The following SMAD5 variants were observed in gnomAD, a reference collection of about 807,000 sequenced individuals.
SMAD5 encodes MAD, mothers against decapentaplegic homolog 5.
Under a neutral mutation model 43.1 loss-of-function variants are expected in SMAD5, and 9 were observed. That is an observed-to-expected ratio of 0.21 (90% CI 0.13 to 0.36). The LOEUF (loss-of-function observed/expected upper bound fraction) is 0.36. Ranked by LOEUF, SMAD5 falls within the 10% of genes least tolerant of loss-of-function variation. The pLI is 1.00. For synonymous variants in SMAD5, 190 were observed against 192.4 expected, an observed-to-expected ratio of 0.99 and a Z score of 0.10; for missense variants, 348 against 574.0, an observed-to-expected ratio of 0.61 and a Z score of 4.02.
rs1487302300 is a variant in SMAD5, at chr5:136,181,772, G to A, written c.*4292G>A. On this transcript the variant is annotated 3_prime_UTR_variant, in exon 8 of 8. Coordinates refer to ENST00000545279, the MANE Select transcript of SMAD5 (RefSeq NM_005903.7). The stretch of plus-strand genomic sequence containing the variant: ...TATTTATCAAGCCTTTGTTATATTG[G>A]ATTATCTTCTCTCTTAAAATACAAC... The A allele has an allele frequency of 1.3e-5, 2 of 152,126 alleles. No individual in the cohort carries two copies. Among genetic ancestry groups the A allele is most frequent in the Non-Finnish European group, 2.9e-5 (2 of 67,992 alleles). The allele number at this position is 152,126 out of a possible 1,614,324, so 9.4% of individuals were successfully genotyped here. A position where few individuals can be genotyped will look rare whatever the true frequency, so the allele number is the denominator to read the frequency against.
intron 7 of SMAD5, among the ~76,000 whole-genome samples, chr5:136,176,850 C>T (rs1014277811): frequency 6.6e-6 from 1 of 150,550 alleles, no homozygotes; most frequent in Non-Finnish European, 1.5e-5. Context: ...TAAATATTTG[C>T]AGGCAGATTC....
rs112709281 is a variant in SMAD5, at chr5:136,158,898, CAA to C, written c.404-1948_404-1947del. Among the ~76,000 whole-genome samples, 21 of 143,754 alleles carry C rather than the reference CAA, an allele frequency of 1.5e-4. 1 individual carries two copies. In the South Asian group the frequency reaches 4.2e-3, roughly 29 times the overall value. 94.3% of individuals were successfully genotyped at this position (143,754 alleles called of 152,430 possible). ...TGGGCGACAGAGCGAGACTCCATCT[CAA>C]AAAAAAAAAGATGGAAGATCCAAGG... On this transcript the variant is annotated intron_variant, in intron 3 of 7. Transcript: ENST00000545279.
rs750598487 is a variant in SMAD5 at position 136,177,450 on chromosome 5, C to T, written c.1368C>T (p.Ser456=). The change falls in exon 8 of 8, where the codon TCC becomes TCT. Residue 456 remains serine, a synonymous_variant. Coordinates refer to ENST00000545279, the MANE Select transcript of SMAD5 (RefSeq NM_005903.7). ...ATAAAGTCCTTACTCAGATGGGCTC[C>T]CCTCTGAACCCCATATCTTCTGTTT... The part of the protein sequence containing the change: ...WLDKVLTQMG[S]PLNPISSVS 6.2e-7 allele frequency: 1 copy of T among 1,612,150 alleles called. No homozygotes were observed. Among genetic ancestry groups the T allele is most frequent in the Non-Finnish European group, 8.5e-7 (1 of 1,178,860 alleles).
At chr5:136,142,115 T>C (rs2149760747) in intron 1 of SMAD5, among the ~76,000 whole-genome samples, 1 of 152,336 alleles carries the variant, frequency 6.6e-6, no homozygotes, top group Admixed American at 6.5e-5. Flanking sequence ...ATCACTAGGC[T>C]TACAGTGATG....
rs1754617987 is a variant in SMAD5, at chr5:136,181,268, A to T, written c.*3788A>T. Reference sequence around the variant, plus strand: ...TAATTACTGAGTTCAGCCTTTTGTGATGACTTATATTTTGGACTTACATTT... The same window carrying T: ...TAATTACTGAGTTCAGCCTTTTGTGTTGACTTATATTTTGGACTTACATTT... On this transcript the variant is annotated 3_prime_UTR_variant, in exon 8 of 8. Transcript: ENST00000545279. The T allele has an allele frequency of 6.6e-6, 1 of 152,128 alleles. No homozygotes were observed. Among genetic ancestry groups the T allele is most frequent in the South Asian group, 2.1e-4 (1 of 4,824 alleles). 9.4% of individuals were successfully genotyped at this position (152,128 alleles called of 1,614,324 possible). A position where few individuals can be genotyped will look rare whatever the true frequency, so the allele number is the denominator to read the frequency against.
chr5:136,161,027 C>T lies in SMAD5; in HGVS notation c.575C>T (p.Pro192Leu). The change falls in exon 4 of 8, where the codon CCT becomes CTT. Residue 192 changes from proline (P) to leucine (L), a missense_variant. Physicochemically the swap from Pro to Leu is moderately conservative, Grantham distance 98. Transcript: ENST00000545279. Reference protein sequence around the residue: ...NTPFPLSPNSPYPPSPASSTY... With the variant: ...NTPFPLSPNSLYPPSPASSTY... The stretch of plus-strand genomic sequence containing the variant: ...CCTTTTCCCTTATCTCCAAACAGCC[C>T]TTATCCCCCTTCTCCTGCTAGCAGC... The T allele has an allele frequency of 1.9e-6, 3 of 1,613,868 alleles. No homozygotes were observed. The highest frequency in any genetic ancestry group is 1.3e-5 in the African/African-American group (1 of 74,980).
intron 3 of SMAD5, among the ~76,000 whole-genome samples, chr5:136,155,334 G>C (rs1239103484): frequency 1.3e-5 from 2 of 152,052 alleles, no homozygotes; most frequent in African/African-American, 4.8e-5. Flanking sequence ...AATGCTGTTT[G>C]CTGCACCTTC....
At chr5:136,154,964 G>A (rs78381700) in intron 3 of SMAD5, among the ~76,000 whole-genome samples, 3,465 of 152,170 alleles carry the variant, frequency 0.023, 55 homozygotes, top group Middle Eastern at 0.041. Flanking sequence ...CTTTGCTGGC[G>A]TATTCTCCTG....
At chr5:136,148,798 T>A (rs1753353226) in intron 2 of SMAD5, among the ~76,000 whole-genome samples, 1 of 151,906 alleles carries the variant, frequency 6.6e-6, no homozygotes. Flanking sequence ...GTAGTCTCAC[T>A]CATGGTTCAT....
chr5:136,154,290 A>G (rs759129515), intron 3 of SMAD5, 127 bp downstream of exon 3: 1 of 618,432 alleles, frequency 1.6e-6, no homozygotes, highest in Non-Finnish European at 2.5e-6. Context: ...TAAATATTCT[A>G]ATCTTGGAAG....
At chr5:136,135,743 G>A (rs1752851864) in intron 1 of SMAD5, among the ~76,000 whole-genome samples, 2 of 152,078 alleles carry the variant, frequency 1.3e-5, no homozygotes, top group Admixed American at 6.5e-5. Flanking sequence ...CACACATCTG[G>A]GTGAATTTCA....
rs940130188 is a variant in SMAD5, at chr5:136,176,479, A to G, written c.1255-858A>G. Among the ~76,000 whole-genome samples, 202 of 139,496 alleles carry G rather than the reference A, an allele frequency of 1.4e-3. 1 individual carries two copies. Among genetic ancestry groups the G allele is most frequent in the African/African-American group, 4.9e-3 (185 of 37,386 alleles). 91.5% of individuals were successfully genotyped at this position (139,496 alleles called of 152,430 possible). On this transcript the variant is annotated intron_variant, in intron 7 of 7. Transcript: ENST00000545279. ...TCACAAAAAAAAAAAAAAAAAAAAA[A>G]AAAAGAAACTCTGACATGTGACATG... is the stretch of plus-strand genomic sequence containing the variant.
chr5:136,147,717 T>C (rs1315389355), intron 1 of SMAD5, 115 bp from the exon 2 acceptor site: 1 of 151,902 alleles, frequency 6.6e-6, no homozygotes, highest in Non-Finnish European at 1.5e-5. Flanking sequence ...AAATGTAAAG[T>C]CCTTAACAGT....
At chr5:136,140,248 C>T (rs1449092098) in intron 1 of SMAD5, among the ~76,000 whole-genome samples, 4 of 152,122 alleles carry the variant, frequency 2.6e-5, no homozygotes, top group African/African-American at 9.7e-5. Context: ...GTCTTGAACT[C>T]CTGACCTCAG....
Position 136,179,226 on chromosome 5 carries a change from CAT to C in SMAD5, c.*1747_*1748del, listed in dbSNP as rs1217685870. 1 of 152,478 alleles carries C rather than the reference CAT, an allele frequency of 6.6e-6. No homozygotes were observed. The highest frequency in any genetic ancestry group is 6.5e-5 in the Admixed American group (1 of 15,276). 9.4% of individuals were successfully genotyped at this position (152,478 alleles called of 1,614,324 possible). On this transcript the variant is annotated 3_prime_UTR_variant, in exon 8 of 8. Coordinates refer to ENST00000545279, the MANE Select transcript of SMAD5 (RefSeq NM_005903.7). ...ACTCCAAAATATCCATTTAATCAAT[CAT>C]GTTTTTGGCTTTGGATAAAGAACTT...
Position 136,156,054 on chromosome 5 carries a change from C to T in SMAD5, c.403+1891C>T, listed in dbSNP as rs148659209. On this transcript the variant is annotated intron_variant, in intron 3 of 7. Transcript: ENST00000545279. ...ACATTTAGCTGGGTCCTTTGCAAGG[C>T]GCTGTAATCAAGGTGTTGGTTAGGG... 7.2e-5 allele frequency among the ~76,000 whole-genome samples: 11 copies of T among 152,208 alleles called. No individual in the cohort carries two copies. In the East Asian group the frequency reaches 1.4e-3, roughly 19 times the overall value.
rs577600952 is a variant in SMAD5, at chr5:136,180,428, T to A, written c.*2948T>A. On this transcript the variant is annotated 3_prime_UTR_variant, in exon 8 of 8. Transcript: ENST00000545279. ...CAGTTTGGTAATGCAAACAGCAGAA[T>A]AGAATGAAATCTCAGTAATGAATTA... 1.6e-4 allele frequency: 25 copies of A among 152,250 alleles called. No individual in the cohort carries two copies. The highest frequency in any genetic ancestry group is 6.5e-4 in the Admixed American group (10 of 15,298). 9.4% of individuals were successfully genotyped at this position (152,250 alleles called of 1,614,324 possible). A position where few individuals can be genotyped will look rare whatever the true frequency, so the allele number is the denominator to read the frequency against.
chr5:136,145,845 C>T (rs879626479), intron 1 of SMAD5, among the ~76,000 whole-genome samples: 8 of 151,816 alleles, frequency 5.3e-5, no homozygotes, highest in East Asian at 1.9e-4. Context: ...GCTTCAAATC[C>T]GGTGCTGTAG....
rs1752713135 is a variant in SMAD5 at position 136,132,850 on chromosome 5, G to A, written c.-357G>A. The A allele has an allele frequency of 1.3e-5, 2 of 152,376 alleles. No individual in the cohort carries two copies. Among genetic ancestry groups the A allele is most frequent in the Admixed American group, 6.5e-5 (1 of 15,290 alleles). 9.4% of individuals were successfully genotyped at this position (152,376 alleles called of 1,614,324 possible). On this transcript the variant is annotated 5_prime_UTR_variant, in exon 1 of 8. Transcript: ENST00000545279. The stretch of plus-strand genomic sequence containing the variant: ...TCCCTCTCCCTCCCTCCCTCATCCG[G>A]GTCCTGGGCGAGCGGGCGCCGTGCG...
Sources: gnomAD v4.1 joint callset for allele counts (sites outside exome capture counted in the v4.1 genomes callset) on GRCh38, gnomAD v4.1.1 for gene constraint, MANE v1.5 for transcripts, NCBI Gene and HGNC (gene_info 2026-07-23, HGNC 2026-07-21) for gene names.